The following INTS1 variants were observed in gnomAD, a reference collection of about 807,000 sequenced individuals.
INTS1 encodes integrator complex subunit 1.
INTS1 carries 137 observed loss-of-function variants against 241.6 expected under a neutral mutation model. That is an observed-to-expected ratio of 0.57 (90% CI 0.49 to 0.65). The LOEUF (loss-of-function observed/expected upper bound fraction) is 0.65. INTS1 is among the 30% of genes least tolerant of loss of function. The pLI is 0.00. For missense variants in INTS1, 3,073 were observed against 3,032.2 expected (o/e 1.01, Z -0.32); for synonymous variants, 1,692 against 1,337.8 (o/e 1.26, Z -5.78).
rs200983063 is a variant in INTS1, at chr7:1,484,106, G to A, written c.3326C>T (p.Pro1109Leu). The A allele has an allele frequency of 2.2e-3, 3,576 of 1,612,484 alleles. 9 individuals carry two copies. Among genetic ancestry groups the A allele is most frequent in the Non-Finnish European group, 2.7e-3 (3,219 of 1,179,760 alleles). ...IMSHLFSKLS[P>L]SAASDAVLSA... ...CAGCACGGCGTCCGACGCGGCACTC[G>A]GGGAGAGCTTCGAGAAGAGGTGGGA... The change falls in exon 25 of 48, where the codon CCG (proline) becomes CTG (leucine). Residue 1109 changes from proline to leucine, a missense_variant. Transcript: ENST00000404767.
chr7:1,489,252 G>A (rs973878359), intron 18 of INTS1, 92 bp downstream of exon 18: 197 of 964,292 alleles, frequency 2.0e-4, no homozygotes, highest in Non-Finnish European at 6.1e-5. Flanking sequence ...GATGCAGCAC[G>A]ACCCAGGAGA....
At chr7:1,502,808 G>A in intron 3 of INTS1, 93 bp downstream of exon 3, 1 of 1,385,214 alleles carries the variant, frequency 7.2e-7, no homozygotes. Context: ...CGGCCATACG[G>A]GCAGCACTAG....
At chr7:1,484,835 C>T (rs1056297290) in intron 24 of INTS1, among the ~76,000 whole-genome samples, 10 of 152,264 alleles carry the variant, frequency 6.6e-5, no homozygotes, top group Non-Finnish European at 1.0e-4. Flanking sequence ...GCACAGCAGC[C>T]GTGACGGCCC....
rs1429720528 is a variant in INTS1 at position 1,481,097 on chromosome 7, C to G, written c.3851-164G>C. 2 of 688,208 alleles carry G rather than the reference C, an allele frequency of 2.9e-6. No individual in the cohort carries two copies. 42.6% of individuals were successfully genotyped at this position (688,208 alleles called of 1,614,324 possible). A position where few individuals can be genotyped will look rare whatever the true frequency, so the allele number is the denominator to read the frequency against. On this transcript the variant is annotated intron_variant, in intron 28 of 47. Transcript: ENST00000404767. This position sits in a 1 kb window ranked among gnomAD's most constrained non-coding sequence, Gnocchi z 6.8. ...AGTCAGCACTGAGGCCCCAACAGCT[C>G]CCTCCAAGCTCAAAACACGGCCCTA... is the stretch of plus-strand genomic sequence containing the variant.
intron 4 of INTS1, 27 bp downstream of exon 4, chr7:1,500,143 G>A (rs1296501237): frequency 2.5e-6 from 4 of 1,579,230 alleles, no homozygotes; most frequent in Admixed American, 1.7e-5. Context: ...AGCGCTGCTC[G>A]CCTCCTGCCA....
chr7:1,470,560 G>A lies in INTS1; in HGVS notation c.*17C>T, dbSNP rs1292236706. On this transcript the variant is annotated 3_prime_UTR_variant, in exon 48 of 48. Coordinates refer to ENST00000404767, the MANE Select transcript of INTS1 (RefSeq NM_001080453.3). ...CGGGACGGGCCGGGGCTTGGAGGGG[G>A]GTCGGCTGCCACAGGCTCACATCAC... The A allele has an allele frequency of 1.1e-5, 17 of 1,524,296 alleles. No individual in the cohort carries two copies. Among genetic ancestry groups the A allele is most frequent in the East Asian group, 2.4e-5 (1 of 41,038 alleles). 94.4% of individuals were successfully genotyped at this position (1,524,296 alleles called of 1,614,324 possible).
intron 35 of INTS1, 143 bp from the exon 36 acceptor site, chr7:1,477,061 T>C (rs1781759317): frequency 4.8e-6 from 5 of 1,052,512 alleles, no homozygotes; most frequent in South Asian, 1.6e-5. Context: ...GTCATGGTGC[T>C]GGAGGGCCGC....
Position 1,477,860 on chromosome 7 carries a change from A to G in INTS1, c.4707T>C (p.Asp1569=). The G allele has an allele frequency of 6.2e-7, 1 of 1,612,616 alleles. No homozygotes were observed. Among genetic ancestry groups the G allele is most frequent in the Admixed American group, 1.7e-5 (1 of 60,022 alleles). ...TACAGGCTGGAAACGGGGAGGCAGC[A>G]TCCGCAGTGGCAGAGAAGAATGCAG... is the stretch of plus-strand genomic sequence containing the variant. ...LLTAFFSATA[D]AASPFPACKP... is the part of the protein sequence containing the mutation. The change falls in exon 34 of 48, where the codon GAT becomes GAC. Residue 1569 remains aspartate, a synonymous_variant. Coordinates refer to ENST00000404767, the MANE Select transcript of INTS1 (RefSeq NM_001080453.3).
At chr7:1,491,636 C>G (rs1055139467) in intron 16 of INTS1, among the ~76,000 whole-genome samples, 1 of 152,360 alleles carries the variant, frequency 6.6e-6, no homozygotes, top group South Asian at 2.1e-4. Flanking sequence ...TGTGGCTCAT[C>G]ACACCTGTAA....
chr7:1,487,555 C>G, intron 19 of INTS1, 106 bp from the exon 20 acceptor site: 1 of 1,425,574 alleles, frequency 7.0e-7, no homozygotes, highest in East Asian at 2.4e-5. Flanking sequence ...CAGCCCGAGA[C>G]GGGCAACCCA....
chr7:1,489,438 TCCC>T, intron 17 of INTS1, 34 bp from the exon 18 acceptor site: 1 of 1,107,228 alleles, frequency 9.0e-7, no homozygotes. Context: ...CTGGCCAGGC[TCCC>T]CTGGGCACCA....
intron 24 of INTS1, among the ~76,000 whole-genome samples, chr7:1,484,426 C>T (rs1189761139): frequency 1.3e-5 from 2 of 152,198 alleles, no homozygotes; most frequent in Non-Finnish European, 2.9e-5. Context: ...GCCCTCTGCC[C>T]GGCAGCCACC....
rs993954975 is a variant in INTS1, at chr7:1,485,112, T to C, written c.3247A>G (p.Ser1083Gly). The change falls in exon 24 of 48, where the codon AGC becomes GGC. Residue 1083 changes from serine to glycine, a missense_variant. Coordinates refer to ENST00000404767, the MANE Select transcript of INTS1 (RefSeq NM_001080453.3). ...HTPVEEQAQH[S>G]DLALDVARLV... ...TGCTGCCTCACCAGGGCCAGGTCGC[T>C]GTGCTGGGCCTGCTCCTCCACAGGC... 3 of 1,599,720 alleles carry C rather than the reference T, an allele frequency of 1.9e-6. No individual in the cohort carries two copies. Among genetic ancestry groups the C allele is most frequent in the East Asian group, 4.5e-5 (2 of 44,818 alleles).
At chr7:1,486,115 T>C (rs997702500) in intron 22 of INTS1, among the ~76,000 whole-genome samples, 3 of 152,048 alleles carry the variant, frequency 2.0e-5, no homozygotes, top group African/African-American at 7.2e-5. Context: ...TTTTCAGTTT[T>C]TGTAGAGAGA....
chr7:1,499,272 C>A lies in INTS1; in HGVS notation c.933G>T (p.Glu311Asp), dbSNP rs1277887461. Residue 311 changes from glutamate to aspartate, a missense_variant, in exon 7 of 48, where the codon GAG (glutamate) becomes GAT (aspartate). Transcript: ENST00000404767. ...GCAGCTACCTGGGCATGAGCTGGCC[C>A]TCCTGCTCGGGGCTCAGCTTCTCCT... ...IAEEKLSPEQ[E>D]GQLMPRYEEL... is the part of the protein sequence containing the mutation. The A allele has an allele frequency of 6.2e-7, 1 of 1,610,068 alleles. No individual in the cohort carries two copies. The highest frequency in any genetic ancestry group is 8.5e-7 in the Non-Finnish European group (1 of 1,178,920).
rs868765718 is a variant in INTS1, at chr7:1,494,746, G to A, written c.1910+70C>T. The A allele has an allele frequency of 5.9e-5, 87 of 1,480,298 alleles. No individual in the cohort carries two copies. The Middle Eastern group carries it at 1.9e-3, about 33-fold the overall frequency. 91.7% of individuals were successfully genotyped at this position (1,480,298 alleles called of 1,614,324 possible). The stretch of plus-strand genomic sequence containing the variant: ...CCAACTCCCACTGGCCCTTCCTGCC[G>A]CAGCCGGCCCGGCACCCCGCAGCCC... On this transcript the variant is annotated intron_variant, in intron 14 of 47. Coordinates refer to ENST00000404767, the MANE Select transcript of INTS1 (RefSeq NM_001080453.3).
At chr7:1,472,777 G>A (rs1781530505) in intron 43 of INTS1, among the ~76,000 whole-genome samples, 1 of 131,476 alleles carries the variant, frequency 7.6e-6, no homozygotes, top group African/African-American at 2.7e-5. Context: ...CCTGGGGAGG[G>A]ACACCTCGGA....
chr7:1,494,732 T>G, intron 14 of INTS1, 84 bp downstream of exon 14: 1 of 1,354,524 alleles, frequency 7.4e-7, no homozygotes, highest in Non-Finnish European at 1.0e-6. Flanking sequence ...CAACTCCCAC[T>G]GGCCCTTCCT....
rs547867105 is a variant in INTS1 at position 1,489,802 on chromosome 7, T to C, written c.2166-120A>G. The C allele has an allele frequency of 6.0e-6, 4 of 662,666 alleles. No individual in the cohort carries two copies. In the South Asian group the frequency reaches 8.0e-5, roughly 13 times the overall value. 41.0% of individuals were successfully genotyped at this position (662,666 alleles called of 1,614,324 possible). A position where few individuals can be genotyped will look rare whatever the true frequency, so the allele number is the denominator to read the frequency against. ...GCTGGCTCCCAGCTCCTCCCGGGAC[T>C]GCCCTCCAGTGACACCTGTCCAAGC... On this transcript the variant is annotated intron_variant, in intron 16 of 47. Transcript: ENST00000404767.
Sources: allele counts gnomAD v4.1 joint callset (sites outside exome capture counted in the v4.1 genomes callset), GRCh38; gene constraint gnomAD v4.1.1; non-coding constraint Gnocchi (gnomAD v3.1); transcripts MANE v1.5; gene names NCBI Gene and HGNC (gene_info 2026-07-23, HGNC 2026-07-21).